ADGRL3: variants seen among roughly 807,000 people sequenced by gnomAD.
The protein encoded by ADGRL3 is calcium-independent alpha-latrotoxin receptor 3.
A neutral mutation model predicts 153.5 loss-of-function variants in ADGRL3; 62 were observed. The observed-to-expected ratio is 0.40, with a 90% CI of 0.33 to 0.50. The LOEUF is 0.50. Among genes scored for constraint, ADGRL3 ranks in the 20% least tolerant of loss-of-function variants. The pLI is 0.47. For synonymous variants in ADGRL3, 710 were observed against 672.5 expected, an observed-to-expected ratio of 1.06 and a Z score of -0.86; for missense variants, 1,641 against 1,859.4, an observed-to-expected ratio of 0.88 and a Z score of 2.16.
At chr4:61,665,360 G>A (rs934649568) in intron 5 of ADGRL3, among the ~76,000 whole-genome samples, 8 of 152,098 alleles carry the variant, frequency 5.3e-5, no homozygotes, top group Non-Finnish European at 4.4e-5. Flanking sequence ...GCAGTGAGCC[G>A]AGATTGCACC....
intron 5 of ADGRL3, among the ~76,000 whole-genome samples, chr4:61,668,058 T>C (rs1027572739): frequency 1.3e-5 from 2 of 152,248 alleles, no homozygotes; most frequent in Non-Finnish European, 2.9e-5. Context: ...TGTTATCTTA[T>C]ATGGCTAAAG....
intron 1 of ADGRL3, among the ~76,000 whole-genome samples, chr4:61,336,824 G>T (rs2095686436): frequency 6.6e-6 from 1 of 150,788 alleles, no homozygotes; most frequent in Admixed American, 6.6e-5. Context: ...AGCAACAAAG[G>T]CATCCTTTGT....
intron 4 of ADGRL3, among the ~76,000 whole-genome samples, chr4:61,530,325 G>A (rs1413057270): frequency 6.6e-6 from 1 of 151,502 alleles, no homozygotes; most frequent in Non-Finnish European, 1.5e-5. Flanking sequence ...CTTTCAAGAG[G>A]ACAACTATAT....
intron 9 of ADGRL3, among the ~76,000 whole-genome samples, chr4:61,885,604 G>A (rs995677788): frequency 1.3e-5 from 2 of 152,202 alleles, no homozygotes; most frequent in East Asian, 1.9e-4. Flanking sequence ...CCATAGTAAC[G>A]CCTATAAAAG....
intron 3 of ADGRL3, among the ~76,000 whole-genome samples, chr4:61,514,281 A>T (rs2098479570): frequency 6.6e-6 from 1 of 152,110 alleles, no homozygotes; most frequent in South Asian, 2.1e-4. Flanking sequence ...GAACCTTGGG[A>T]GATCTGTATG....
intron 1 of ADGRL3, among the ~76,000 whole-genome samples, chr4:61,347,741 A>T (rs371600122): frequency 6.6e-6 from 1 of 152,120 alleles, no homozygotes; most frequent in East Asian, 1.9e-4. Context: ...ATTAATCAGT[A>T]TGATCCTTGG....
chr4:61,683,006 G>C (rs1231611001), intron 6 of ADGRL3, among the ~76,000 whole-genome samples: 1 of 152,050 alleles, frequency 6.6e-6, no homozygotes, highest in African/African-American at 2.4e-5. Context: ...GAAATATACA[G>C]AGAAGGCACA....
chr4:61,930,501 A>C (rs2150093156), intron 13 of ADGRL3, among the ~76,000 whole-genome samples: 1 of 152,326 alleles, frequency 6.6e-6, no homozygotes, highest in Non-Finnish European at 1.5e-5. Flanking sequence ...TTTTTGCAGT[A>C]GTTATAACAA....
At chr4:61,447,483 C>T (rs964971976) in intron 2 of ADGRL3, among the ~76,000 whole-genome samples, 4 of 152,054 alleles carry the variant, frequency 2.6e-5, no homozygotes, top group African/African-American at 7.2e-5. Context: ...CGAGAGTTGA[C>T]GAATTATGAA....
At chr4:61,240,678 A>G (rs1044795925) in intron 1 of ADGRL3, among the ~76,000 whole-genome samples, 5 of 152,086 alleles carry the variant, frequency 3.3e-5, no homozygotes, top group Non-Finnish European at 7.4e-5. Flanking sequence ...AGAGCTATTT[A>G]CAGATGTTTG....
chr4:61,825,121 G>A (rs1265462596), intron 9 of ADGRL3, among the ~76,000 whole-genome samples: 4 of 152,070 alleles, frequency 2.6e-5, no homozygotes, highest in African/African-American at 9.7e-5. Context: ...TAAGACTGCA[G>A]CAAAAAACAA....
chr4:61,924,312 A>C (rs2098784552), intron 13 of ADGRL3, among the ~76,000 whole-genome samples: 1 of 152,030 alleles, frequency 6.6e-6, no homozygotes, highest in South Asian at 2.1e-4. Context: ...CAAACCCTTA[A>C]GCTTGGAGTG....
At chr4:61,866,841 A>G (rs35610391) in intron 9 of ADGRL3, among the ~76,000 whole-genome samples, 79,571 of 151,954 alleles carry the variant, frequency 0.52, 21,429 homozygotes, top group Middle Eastern at 0.64. Context: ...GTGTCACATC[A>G]ATCAATCCTC....
At chr4:61,608,457 C>T (rs996440575) in intron 5 of ADGRL3, among the ~76,000 whole-genome samples, 9 of 151,888 alleles carry the variant, frequency 5.9e-5, no homozygotes, top group African/African-American at 2.2e-4. Context: ...AACCCCAAAA[C>T]AAATAAAAAC....
In ADGRL3 at chr4:61,373,605, T is replaced by A. The variant is rs114442413; in HGVS notation, c.-239-9519T>A. 4.6e-3 allele frequency among the ~76,000 whole-genome samples: 704 copies of A among 152,310 alleles called. 6 individuals carry two copies. Among genetic ancestry groups the A allele is most frequent in the African/African-American group, 0.016 (673 of 41,564 alleles). ...AATTAAAATCAGCATCAATTAAATT[T>A]AAAAATAATGCAATACTTTAATTCA... On this transcript the variant is annotated intron_variant, in intron 1 of 26. Coordinates refer to ENST00000683033, the MANE Select transcript of ADGRL3 (RefSeq NM_001387552.1).
intron 1 of ADGRL3, among the ~76,000 whole-genome samples, chr4:61,214,366 T>C (rs1402814407): frequency 1.3e-5 from 2 of 152,230 alleles, no homozygotes; most frequent in African/African-American, 4.8e-5. Flanking sequence ...CTCGTATCTC[T>C]TAAGTTCATC....
chr4:61,381,277 T>A, intron 1 of ADGRL3, among the ~76,000 whole-genome samples: 1 of 147,924 alleles, frequency 6.8e-6, no homozygotes, highest in East Asian at 2.0e-4. Context: ...ATACAGACAG[T>A]TTCCAATAAA....
At chr4:61,959,715 G>T (rs2098980670) in intron 17 of ADGRL3, among the ~76,000 whole-genome samples, 1 of 151,942 alleles carries the variant, frequency 6.6e-6, no homozygotes, top group Non-Finnish European at 1.5e-5. Flanking sequence ...TTTTCAAAAA[G>T]AATATTTTTA....
At chr4:61,964,021 A>G (rs1225452970) in intron 17 of ADGRL3, among the ~76,000 whole-genome samples, 1 of 152,180 alleles carries the variant, frequency 6.6e-6, no homozygotes, top group African/African-American at 2.4e-5. Context: ...TATCTCATTT[A>G]ATCCATAGCA....
Sources: gnomAD v4.1 joint callset for allele counts (sites outside exome capture counted in the v4.1 genomes callset) on GRCh38, gnomAD v4.1.1 for gene constraint, MANE v1.5 for transcripts, NCBI Gene and HGNC (gene_info 2026-07-23, HGNC 2026-07-21) for gene names.